Variants in SGMS1 observed in about 807,000 individuals in gnomAD.
SGMS1 encodes the protein sphingomyelin synthase 1, also known as phosphatidylcholine:ceramide cholinephosphotransferase 1.
A neutral mutation model predicts 46.2 loss-of-function variants in SGMS1; 13 were observed. The observed-to-expected ratio is 0.28, with a 90% CI of 0.18 to 0.45. SGMS1 has a LOEUF of 0.45. Among genes scored for constraint, SGMS1 ranks in the 20% least tolerant of loss-of-function variants. SGMS1 has a pLI of 1.00. For synonymous variants in SGMS1, 203 were observed against 187.8 expected (o/e 1.08, Z -0.66); for missense variants, 324 against 519.9 (o/e 0.62, Z 3.66).
rs1164695913 is a variant in SGMS1 at position 50,623,770 on chromosome 10, C to T, written c.-747G>A. 1.0e-6 allele frequency: 1 copy of T among 985,504 alleles called. No homozygotes were observed. Among genetic ancestry groups the T allele is most frequent in the Non-Finnish European group, 1.2e-6 (1 of 829,992 alleles). 61.0% of individuals were successfully genotyped at this position (985,504 alleles called of 1,614,324 possible). A position where few individuals can be genotyped will look rare whatever the true frequency, so the allele number is the denominator to read the frequency against. ...CGGAGCCCCCGCCGCGGAATGAAATCCGGGGCAGGGCAGCGTCGGGGCTCC... is the reference window on the plus strand; with the variant it reads ...CGGAGCCCCCGCCGCGGAATGAAATTCGGGGCAGGGCAGCGTCGGGGCTCC... On this transcript the variant is annotated 5_prime_UTR_variant, in exon 1 of 11. Transcript: ENST00000361781.
intron 1 of SGMS1, among the ~76,000 whole-genome samples, chr10:50,610,527 A>C (rs1838740249): frequency 6.6e-6 from 1 of 152,132 alleles, no homozygotes; most frequent in Non-Finnish European, 1.5e-5. Context: ...CGTTCTCACA[A>C]TCCTGCCTGT....
At chr10:50,458,041 C>A (rs572451393) in intron 5 of SGMS1, among the ~76,000 whole-genome samples, 4 of 152,294 alleles carry the variant, frequency 2.6e-5, no homozygotes, top group Admixed American at 2.6e-4. Context: ...CAAGCAGACA[C>A]ATCCAGTTCT....
At chr10:50,551,999 C>T (rs1164617927) in intron 2 of SGMS1, among the ~76,000 whole-genome samples, 1 of 152,168 alleles carries the variant, frequency 6.6e-6, no homozygotes, top group Non-Finnish European at 1.5e-5. Flanking sequence ...CCCTACTCTG[C>T]TATTATAGCA....
At chr10:50,448,757 A>AAAAAAAAAAT (rs1564916664) in intron 5 of SGMS1, among the ~76,000 whole-genome samples, 3 of 140,662 alleles carry the variant, frequency 2.1e-5, no homozygotes, top group Non-Finnish European at 4.6e-5. Context: ...AAAAAAAAAA[A>AAAAAAAAAAT]AAAAGAATGA....
chr10:50,558,803 T>C (rs1319430342), intron 2 of SGMS1, among the ~76,000 whole-genome samples: 2 of 152,218 alleles, frequency 1.3e-5, no homozygotes, highest in Non-Finnish European at 2.9e-5. Context: ...TCTTTCATGA[T>C]TTTCTTAATA....
chr10:50,401,249 T>C (rs1334771209), intron 6 of SGMS1, among the ~76,000 whole-genome samples: 2 of 152,242 alleles, frequency 1.3e-5, no homozygotes, highest in African/African-American at 4.8e-5. Context: ...TTGGTAGTCC[T>C]GAAAATATTT....
intron 3 of SGMS1, among the ~76,000 whole-genome samples, chr10:50,493,163 C>T (rs1012004730): frequency 1.6e-4 from 24 of 152,188 alleles, no homozygotes; most frequent in African/African-American, 5.5e-4. Flanking sequence ...AATAAGACTG[C>T]ATACCTACAG....
intron 3 of SGMS1, among the ~76,000 whole-genome samples, chr10:50,470,758 C>T (rs572605615): frequency 6.6e-6 from 1 of 152,180 alleles, no homozygotes; most frequent in South Asian, 2.1e-4. Context: ...TTGTCTTGGG[C>T]AAGTTACAGA....
At chr10:50,485,082 A>T (rs1021987087) in intron 3 of SGMS1, among the ~76,000 whole-genome samples, 4 of 152,164 alleles carry the variant, frequency 2.6e-5, no homozygotes, top group African/African-American at 9.7e-5. Flanking sequence ...GGGTATTCAA[A>T]TTTTAAAAAG....
chr10:50,370,813 C>T (rs983856439), intron 6 of SGMS1, among the ~76,000 whole-genome samples: 4 of 151,476 alleles, frequency 2.6e-5, no homozygotes, highest in Admixed American at 2.0e-4. Flanking sequence ...ATCAATATTA[C>T]TGTTTTCCAC....
At chr10:50,470,256 C>T (rs934189456) in intron 3 of SGMS1, among the ~76,000 whole-genome samples, 1 of 152,130 alleles carries the variant, frequency 6.6e-6, no homozygotes, top group Non-Finnish European at 1.5e-5. Context: ...GTAAAAAGTA[C>T]TGAAAACTTT....
intron 6 of SGMS1, among the ~76,000 whole-genome samples, chr10:50,353,257 A>T (rs567421706): frequency 6.6e-6 from 1 of 152,408 alleles, no homozygotes; most frequent in Admixed American, 6.5e-5. Context: ...AGTGGGATTC[A>T]TCCCTGGGAT....
intron 2 of SGMS1, among the ~76,000 whole-genome samples, chr10:50,540,423 C>T (rs1226497238): frequency 6.6e-6 from 1 of 152,138 alleles, no homozygotes; most frequent in Non-Finnish European, 1.5e-5. Flanking sequence ...CTCACAATTA[C>T]CACTACTCTC....
chr10:50,570,803 T>A (rs1013244224), intron 2 of SGMS1, among the ~76,000 whole-genome samples: 9 of 152,168 alleles, frequency 5.9e-5, no homozygotes, highest in Non-Finnish European at 1.2e-4. Flanking sequence ...CCAGGCATGG[T>A]GGCATGTGCC....
chr10:50,617,010 T>G, intron 1 of SGMS1, among the ~76,000 whole-genome samples: 1 of 151,984 alleles, frequency 6.6e-6, no homozygotes, highest in East Asian at 1.9e-4. Context: ...CAAGTCAAAG[T>G]ATAAAGAAAA....
At chr10:50,506,693 T>C (rs901527756) in intron 3 of SGMS1, among the ~76,000 whole-genome samples, 1 of 152,262 alleles carries the variant, frequency 6.6e-6, no homozygotes, top group Admixed American at 6.5e-5. Context: ...ATTATCAGAA[T>C]TTTTTTAAAT....
chr10:50,585,259 C>T (rs1838472749), intron 2 of SGMS1, among the ~76,000 whole-genome samples: 1 of 152,220 alleles, frequency 6.6e-6, no homozygotes, highest in African/African-American at 2.4e-5. Flanking sequence ...TAGCACAAGA[C>T]TGACCATATG....
chr10:50,463,636 G>A (rs1479817598), intron 4 of SGMS1, among the ~76,000 whole-genome samples: 1 of 152,170 alleles, frequency 6.6e-6, no homozygotes, highest in Non-Finnish European at 1.5e-5. Context: ...AAAACATTAA[G>A]AATAGAACTA....
intron 6 of SGMS1, among the ~76,000 whole-genome samples, chr10:50,384,246 G>A (rs1317176923): frequency 6.6e-6 from 1 of 152,116 alleles, no homozygotes; most frequent in East Asian, 1.9e-4. Context: ...ACTCACTAAT[G>A]ATTACCATTT....
Sources: gnomAD v4.1 joint callset for allele counts (sites outside exome capture counted in the v4.1 genomes callset) on GRCh38, gnomAD v4.1.1 for gene constraint, MANE v1.5 for transcripts, NCBI Gene and HGNC (gene_info 2026-07-23, HGNC 2026-07-21) for gene names.